TTC28: variants seen among roughly 807,000 people sequenced by gnomAD.
TTC28 encodes tetratricopeptide repeat protein 28.
Under a neutral mutation model 198.0 loss-of-function variants are expected in TTC28, and 61 were observed. The ratio of observed to expected loss-of-function variants is 0.31; its 90% CI spans 0.25 to 0.38. The LOEUF is 0.38. Among genes scored for constraint, TTC28 ranks in the 10% least tolerant of loss-of-function variants. The pLI is 1.00. For synonymous variants in TTC28, 1,171 were observed against 1,297.8 expected, an observed-to-expected ratio of 0.90 and a Z score of 2.10; for missense variants, 2,678 against 3,164.0, an observed-to-expected ratio of 0.85 and a Z score of 3.69.
intron 2 of TTC28, among the ~76,000 whole-genome samples, chr22:28,622,966 C>A (rs1400478046): frequency 1.3e-5 from 2 of 151,968 alleles, no homozygotes; most frequent in Non-Finnish European, 2.9e-5. Flanking sequence ...AGATTACAGG[C>A]GCCTGCCACC....
At chr22:28,576,218 T>C (rs1180935541) in intron 2 of TTC28, among the ~76,000 whole-genome samples, 1 of 152,154 alleles carries the variant, frequency 6.6e-6, no homozygotes, top group Non-Finnish European at 1.5e-5. Flanking sequence ...TTGAGTTTTA[T>C]CAAATGCTTT....
At chr22:28,414,662 AT>A (rs1050813793) in intron 2 of TTC28, among the ~76,000 whole-genome samples, 1 of 152,238 alleles carries the variant, frequency 6.6e-6, no homozygotes, top group African/African-American at 2.4e-5. Context: ...ATGGGGAAGA[AT>A]TGAAGAGGGA....
chr22:28,415,500 G>A (rs10483149), intron 2 of TTC28, among the ~76,000 whole-genome samples: 2,439 of 152,254 alleles, frequency 0.016, 88 homozygotes, highest in African/African-American at 0.056. Flanking sequence ...AAAATAGACC[G>A]TAGTAATCAA....
intron 5 of TTC28, among the ~76,000 whole-genome samples, chr22:28,217,467 T>C (rs1298845116): frequency 3.3e-5 from 5 of 152,200 alleles, no homozygotes; most frequent in South Asian, 2.1e-4. Flanking sequence ...AAGTGATAAC[T>C]GTATATAATC....
intron 12 of TTC28, among the ~76,000 whole-genome samples, chr22:28,049,099 G>C (rs961770772): frequency 6.6e-6 from 1 of 152,156 alleles, no homozygotes; most frequent in African/African-American, 2.4e-5. Flanking sequence ...CCTGTCTCAA[G>C]TCTCTGATCC....
chr22:28,169,963 C>A (rs1922486354), intron 5 of TTC28, among the ~76,000 whole-genome samples: 1 of 152,072 alleles, frequency 6.6e-6, no homozygotes, highest in Non-Finnish European at 1.5e-5. Flanking sequence ...AATCGTACTT[C>A]TATCAGTTTT....
intron 2 of TTC28, among the ~76,000 whole-genome samples, chr22:28,381,756 A>G (rs1176758424): frequency 2.0e-5 from 3 of 152,204 alleles, no homozygotes; most frequent in Non-Finnish European, 4.4e-5. Flanking sequence ...TGGTAACCAG[A>G]TGTTAATACT....
intron 2 of TTC28, among the ~76,000 whole-genome samples, chr22:28,484,237 A>G (rs1198933385): frequency 6.6e-6 from 1 of 152,084 alleles, no homozygotes; most frequent in Non-Finnish European, 1.5e-5. Flanking sequence ...CCTCCCCAGT[A>G]GCTGGGACTA....
chr22:28,609,678 AGTTT>A (rs1022437969), intron 2 of TTC28, among the ~76,000 whole-genome samples: 16 of 151,184 alleles, frequency 1.1e-4, no homozygotes, highest in East Asian at 1.9e-4. Flanking sequence ...TAGCTGCAGG[AGTTT>A]GTTTGTTTTT....
chr22:28,031,644 G>GCCAAA (rs1416162570), intron 12 of TTC28, among the ~76,000 whole-genome samples: 1 of 152,138 alleles, frequency 6.6e-6, no homozygotes, highest in Admixed American at 6.5e-5. Context: ...CATTCTGGGG[G>GCCAAA]CCAAATGAGA....
At chr22:28,233,308 G>A (rs987924534) in intron 5 of TTC28, among the ~76,000 whole-genome samples, 6 of 151,742 alleles carry the variant, frequency 4.0e-5, no homozygotes, top group Admixed American at 6.6e-5. Context: ...ATAATTTACC[G>A]CTTTTAAATT....
intron 2 of TTC28, among the ~76,000 whole-genome samples, chr22:28,606,930 A>G (rs1438897498): frequency 1.3e-5 from 2 of 152,182 alleles, no homozygotes; most frequent in African/African-American, 4.8e-5. Flanking sequence ...AAAATGTCGC[A>G]CCTAGGCATA....
chr22:28,014,426 C>A, intron 13 of TTC28, 34 bp from the exon 14 acceptor site: 2 of 1,527,978 alleles, frequency 1.3e-6, no homozygotes, highest in Non-Finnish European at 8.8e-7. Flanking sequence ...TCAATCAGGG[C>A]CACTCAGACA....
intron 5 of TTC28, among the ~76,000 whole-genome samples, chr22:28,224,638 G>A (rs1470139067): frequency 3.3e-5 from 5 of 152,160 alleles, no homozygotes; most frequent in Non-Finnish European, 7.3e-5. Context: ...CATGTGCACA[G>A]AGAAACAGAA....
At chr22:28,472,642 G>A (rs1432592238) in intron 2 of TTC28, among the ~76,000 whole-genome samples, 1 of 149,946 alleles carries the variant, frequency 6.7e-6, no homozygotes, top group South Asian at 2.1e-4. Context: ...ATAAGAACAG[G>A]TTACTTTTAA....
At chr22:28,501,113 C>A (rs1414940204) in intron 2 of TTC28, among the ~76,000 whole-genome samples, 1 of 152,002 alleles carries the variant, frequency 6.6e-6, no homozygotes, top group Non-Finnish European at 1.5e-5. Flanking sequence ...CTACTATATG[C>A]CAAGCACAGC....
chr22:28,298,147 T>C (rs967359477), intron 3 of TTC28, among the ~76,000 whole-genome samples: 2 of 152,152 alleles, frequency 1.3e-5, no homozygotes, highest in African/African-American at 4.8e-5. Flanking sequence ...CTCTGTCCTG[T>C]TCCCCTCTCA....
intron 2 of TTC28, among the ~76,000 whole-genome samples, chr22:28,442,070 G>A (rs2047630602): frequency 6.6e-6 from 1 of 151,896 alleles, no homozygotes; most frequent in African/African-American, 2.4e-5. Context: ...ATTTAGAAAC[G>A]TTATTTCTGG....
intron 6 of TTC28, among the ~76,000 whole-genome samples, chr22:28,154,097 T>C (rs1943684112): frequency 6.6e-6 from 1 of 152,142 alleles, no homozygotes; most frequent in African/African-American, 2.4e-5. Flanking sequence ...TAAAGTGAGA[T>C]GAGAGATAAT....
Sources: gnomAD v4.1 joint callset for allele counts (sites outside exome capture counted in the v4.1 genomes callset) on GRCh38, gnomAD v4.1.1 for gene constraint, MANE v1.5 for transcripts, NCBI Gene and HGNC (gene_info 2026-07-23, HGNC 2026-07-21) for gene names.